The following GPC5 variants were observed in gnomAD, a reference collection of about 807,000 sequenced individuals.
GPC5 encodes glypican-5.
Under a neutral mutation model 53.9 loss-of-function variants are expected in GPC5, and 47 were observed. The ratio of observed to expected loss-of-function variants is 0.87; its 90% confidence interval spans 0.69 to 1.11. GPC5 has a LOEUF of 1.11. GPC5 is among the 50% of genes most tolerant of loss of function. The probability of loss-of-function intolerance (pLI) is 0.00; values close to 1 mark genes in which losing one functional copy is unlikely to be tolerated. For synonymous variants in GPC5, 286 were observed against 263.3 expected (o/e 1.09, Z -0.84); for missense variants, 748 against 713.1 (o/e 1.05, Z -0.56).
intron 5 of GPC5, among the ~76,000 whole-genome samples, chr13:91,884,045 G>A (rs1192972145): frequency 6.6e-6 from 1 of 152,044 alleles, no homozygotes; most frequent in Non-Finnish European, 1.5e-5. Context: ...CAAAACTACA[G>A]TGAGTTACCA....
intron 7 of GPC5, among the ~76,000 whole-genome samples, chr13:92,621,773 C>T (rs1269538261): frequency 6.6e-6 from 1 of 151,944 alleles, no homozygotes; most frequent in Non-Finnish European, 1.5e-5. Context: ...GAACTGAGAT[C>T]GCACCATTAC....
chr13:91,539,885 G>C (rs2029869219), intron 2 of GPC5, among the ~76,000 whole-genome samples: 1 of 151,868 alleles, frequency 6.6e-6, no homozygotes, highest in Admixed American at 6.6e-5. Flanking sequence ...AAAAAAACCT[G>C]ACAAGTTGGT....
chr13:92,584,198 G>A (rs1883462613), intron 7 of GPC5, among the ~76,000 whole-genome samples: 1 of 152,174 alleles, frequency 6.6e-6, no homozygotes, highest in South Asian at 2.1e-4. Context: ...GGAGAGCTCA[G>A]AAGAAGACAG....
intron 7 of GPC5, among the ~76,000 whole-genome samples, chr13:92,693,834 T>A (rs1887482158): frequency 6.6e-6 from 1 of 152,160 alleles, no homozygotes; most frequent in Non-Finnish European, 1.5e-5. Context: ...CAAATGTTAA[T>A]AGCCAAGACA....
chr13:91,819,568 T>C (rs2038457917), intron 5 of GPC5, among the ~76,000 whole-genome samples: 1 of 152,208 alleles, frequency 6.6e-6, no homozygotes, highest in African/African-American at 2.4e-5. Context: ...GTAAAATCCA[T>C]CTATATTATT....
chr13:91,785,508 A>G (rs2138732141), intron 5 of GPC5, among the ~76,000 whole-genome samples: 1 of 139,586 alleles, frequency 7.2e-6, no homozygotes, highest in South Asian at 2.1e-4. Flanking sequence ...GATATTGATT[A>G]ACATATTTAT....
chr13:91,488,518 A>T (rs756927490), intron 2 of GPC5, among the ~76,000 whole-genome samples: 4 of 152,180 alleles, frequency 2.6e-5, no homozygotes, highest in Non-Finnish European at 5.9e-5. Context: ...CCAAATTAAT[A>T]CTTTTATAAT....
At chr13:91,891,885 T>C (rs886755659) in intron 5 of GPC5, among the ~76,000 whole-genome samples, 1 of 152,092 alleles carries the variant, frequency 6.6e-6, no homozygotes, top group Non-Finnish European at 1.5e-5. Context: ...TTAGAGTATT[T>C]TCCATGAATC....
At chr13:91,892,236 C>T (rs2039394140) in intron 5 of GPC5, among the ~76,000 whole-genome samples, 1 of 151,762 alleles carries the variant, frequency 6.6e-6, no homozygotes, top group Admixed American at 6.6e-5. Flanking sequence ...AAACATTGAC[C>T]ACATAGTATT....
At chr13:91,697,323 A>C (rs899443261) in intron 3 of GPC5, among the ~76,000 whole-genome samples, 1 of 152,014 alleles carries the variant, frequency 6.6e-6, no homozygotes, top group Non-Finnish European at 1.5e-5. Flanking sequence ...TTGTAGTTTT[A>C]GTAGAGATGG....
chr13:92,069,013 T>G (rs2041188950), intron 6 of GPC5, among the ~76,000 whole-genome samples: 1 of 152,020 alleles, frequency 6.6e-6, no homozygotes, highest in Non-Finnish European at 1.5e-5. Flanking sequence ...CTTCTAGATC[T>G]TACATTTAGG....
intron 2 of GPC5, among the ~76,000 whole-genome samples, chr13:91,451,875 C>G (rs529650760): frequency 2.1e-4 from 32 of 152,208 alleles, no homozygotes; most frequent in Admixed American, 1.2e-3. Flanking sequence ...CTCGCCCTCC[C>G]AAAGTGCTGG....
chr13:91,870,631 C>T (rs1373633741), intron 5 of GPC5, among the ~76,000 whole-genome samples: 1 of 152,132 alleles, frequency 6.6e-6, no homozygotes, highest in East Asian at 1.9e-4. Flanking sequence ...CAACTGGAGT[C>T]TTCACGCTAT....
chr13:91,474,537 T>C (rs976336131), intron 2 of GPC5, among the ~76,000 whole-genome samples: 3 of 152,126 alleles, frequency 2.0e-5, no homozygotes, highest in African/African-American at 7.2e-5. Context: ...GAGTCTGATA[T>C]ATATGATTAC....
intron 2 of GPC5, among the ~76,000 whole-genome samples, chr13:91,528,444 A>G (rs1288216534): frequency 6.6e-6 from 1 of 152,168 alleles, no homozygotes; most frequent in Non-Finnish European, 1.5e-5. Flanking sequence ...CCTCATCTCC[A>G]TCTGACACCA....
rs541693488 is a variant in GPC5 at position 92,651,865 on chromosome 13, G to A, written c.1562-214417G>A. On this transcript the variant is annotated intron_variant, in intron 7 of 7. Coordinates refer to ENST00000377067, the MANE Select transcript of GPC5 (RefSeq NM_004466.6). ...TTGATAATTAAAGTAGTATAATTAT[G>A]CAGCTGATGCTATAATTAAACTAAT... Among the ~76,000 whole-genome samples the A allele has an allele frequency of 1.2e-3, 175 of 152,124 alleles. 3 individuals carry two copies. Among genetic ancestry groups the A allele is most frequent in the Non-Finnish European group, 2.1e-4 (14 of 67,994 alleles).
chr13:92,605,710 C>T (rs1376022967), intron 7 of GPC5, among the ~76,000 whole-genome samples: 1 of 151,958 alleles, frequency 6.6e-6, no homozygotes, highest in Non-Finnish European at 1.5e-5. Flanking sequence ...CTGCCTCAGC[C>T]TCCCGAGTAG....
intron 2 of GPC5, among the ~76,000 whole-genome samples, chr13:91,616,080 T>A (rs923710028): frequency 6.6e-6 from 1 of 152,134 alleles, no homozygotes; most frequent in Admixed American, 6.6e-5. Flanking sequence ...TTAAAAAGGC[T>A]TGTATTAATC....
chr13:92,419,919 T>G (rs1397558802), intron 7 of GPC5, among the ~76,000 whole-genome samples: 2 of 152,144 alleles, frequency 1.3e-5, no homozygotes, highest in Non-Finnish European at 2.9e-5. Context: ...CTGAATGGGA[T>G]GGATGAATAG....
Sources: gnomAD v4.1 joint callset for allele counts (sites outside exome capture counted in the v4.1 genomes callset) on GRCh38, gnomAD v4.1.1 for gene constraint, MANE v1.5 for transcripts, NCBI Gene and HGNC (gene_info 2026-07-23, HGNC 2026-07-21) for gene names.